The following MYO1A variants were observed in gnomAD, a reference collection of about 807,000 sequenced individuals.
The protein encoded by MYO1A is unconventional myosin-Ia.
MYO1A carries 127 observed loss-of-function variants against 138.5 expected under a neutral mutation model. That is an observed-to-expected ratio of 0.92 (90% CI 0.79 to 1.06). MYO1A has a LOEUF of 1.06. MYO1A is among the 50% of genes least tolerant of loss of function. The pLI is 0.00. For synonymous variants in MYO1A, 477 were observed against 497.5 expected, an observed-to-expected ratio of 0.96 and a Z score of 0.55; for missense variants, 1,211 against 1,288.8, an observed-to-expected ratio of 0.94 and a Z score of 0.92.
intron 23 of MYO1A, 124 bp downstream of exon 23, chr12:57,030,916 G>A (rs879617633): frequency 2.3e-5 from 27 of 1,177,174 alleles, no homozygotes; most frequent in Non-Finnish European, 3.0e-5. Flanking sequence ...TAGATTGTAT[G>A]TTATGTATAT....
At chr12:57,038,727 C>T in intron 16 of MYO1A, 82 bp downstream of exon 16, 1 of 1,609,020 alleles carries the variant, frequency 6.2e-7, no homozygotes, top group African/African-American at 1.3e-5. Flanking sequence ...ATTCCAGACT[C>T]TCACCTTCCC....
At chr12:57,040,954 T>C (rs1394021494) in intron 14 of MYO1A, among the ~76,000 whole-genome samples, 3 of 152,194 alleles carry the variant, frequency 2.0e-5, no homozygotes, top group Non-Finnish European at 4.4e-5. Context: ...TTCCCTCTTG[T>C]CAGGACTTTC....
intron 8 of MYO1A, 60 bp downstream of exon 8, chr12:57,046,492 G>A: frequency 7.7e-7 from 1 of 1,304,274 alleles, no homozygotes; most frequent in South Asian, 1.2e-5. Context: ...GGACTGAATG[G>A]AGGTTGGGGA....
rs750830231 is a variant in MYO1A at position 57,036,761 on chromosome 12, C to T, written c.2274+11G>A. On this transcript the variant is annotated intron_variant, in intron 21 of 27. Transcript: ENST00000300119. The stretch of plus-strand genomic sequence containing the variant: ...ACAATGTGAGGAAACCTCTCTTCCA[C>T]TCTCCATTACCTTCCACCCTCTCAC... 3 of 1,614,118 alleles carry T rather than the reference C, an allele frequency of 1.9e-6. No individual in the cohort carries two copies. The highest frequency in any genetic ancestry group is 2.5e-6 in the Non-Finnish European group (3 of 1,179,930).
intron 12 of MYO1A, among the ~76,000 whole-genome samples, chr12:57,042,008 T>G (rs2030880051): frequency 6.6e-6 from 1 of 152,242 alleles, no homozygotes; most frequent in African/African-American, 2.4e-5. Context: ...CTGAATATAA[T>G]TCACATACCA....
intron 22 of MYO1A, among the ~76,000 whole-genome samples, chr12:57,031,744 A>G (rs1042029227): frequency 2.6e-5 from 4 of 152,222 alleles, no homozygotes; most frequent in African/African-American, 9.7e-5. Flanking sequence ...CTCGAACAAC[A>G]AAGAGAGGCT....
Position 57,029,134 on chromosome 12 carries a change from C to T in MYO1A, c.3003G>A (p.Glu1001=). The T allele has an allele frequency of 5.0e-6, 8 of 1,614,184 alleles. No individual in the cohort carries two copies. The highest frequency in any genetic ancestry group is 6.8e-6 in the Non-Finnish European group (8 of 1,180,032). ...TCACCCCCAGTTCATGGCCTCACTT[C>T]TCAGTCACGGTGACTGTAAGCTGCC... The part of the protein sequence containing the change: ...TQRQLTVTVT[E]KFSVRFKENS... Residue 1001 remains glutamate (E), a splice_region_variant and synonymous_variant, in exon 27 of 28, where the codon GAG becomes GAA. Coordinates refer to ENST00000300119, the MANE Select transcript of MYO1A (RefSeq NM_005379.4).
In MYO1A at chr12:57,043,267, C is replaced by A. The variant is rs371875751; in HGVS notation, c.984G>T (p.Lys328Asn). The change falls in exon 11 of 28, where the codon AAG becomes AAT. Residue 328 changes from lysine to asparagine, a missense_variant. By Grantham distance (94) the Lys-to-Asn change is moderately conservative. Coordinates refer to ENST00000300119, the MANE Select transcript of MYO1A (RefSeq NM_005379.4). Reference sequence around the variant, plus strand: ...GCATAACATTCAGTGCAGTGACCACCTTTTCCTTGGCTGTTTCCATGGTCC... The same window carrying A: ...GCATAACATTCAGTGCAGTGACCACATTTTCCTTGGCTGTTTCCATGGTCC... The part of the protein sequence containing the change: ...CSRTMETAKE[K>N]VVTALNVMQA... 16 of 1,614,170 alleles carry A rather than the reference C, an allele frequency of 9.9e-6. No individual in the cohort carries two copies. Among genetic ancestry groups the A allele is most frequent in the Admixed American group, 8.3e-5 (5 of 60,028 alleles).
rs1324769910 is a variant in MYO1A at position 57,029,181 on chromosome 12, C to T, written c.2956G>A (p.Ala986Thr). ...TGCCTCTGCGTGGCATCCAGCACAGCCCGGTACATTTTGGTCAGCAGTTCA... is the reference window on the plus strand; with the variant it reads ...TGCCTCTGCGTGGCATCCAGCACAGTCCGGTACATTTTGGTCAGCAGTTCA... ...VIELLTKMYRAVLDATQRQLT... is the reference protein window; with the variant it reads ...VIELLTKMYRTVLDATQRQLT... Residue 986 changes from alanine to threonine, a missense_variant, in exon 27 of 28, where the codon GCT (alanine) becomes ACT (threonine). Transcript: ENST00000300119. 1 of 1,614,048 alleles carries T rather than the reference C, an allele frequency of 6.2e-7. No homozygotes were observed. Among genetic ancestry groups the T allele is most frequent in the African/African-American group, 1.3e-5 (1 of 74,904 alleles).
intron 24 of MYO1A, 154 bp downstream of exon 24, chr12:57,030,056 T>G: frequency 7.9e-7 from 1 of 1,258,678 alleles, no homozygotes; most frequent in Non-Finnish European, 1.1e-6. Context: ...AAAGGCAAAT[T>G]TTGGTCCTCA....
chr12:57,030,837 TGATGGCTGCAGAACA>T (rs2030242310), intron 23 of MYO1A, among the ~76,000 whole-genome samples, 188 bp downstream of exon 23: 1 of 152,166 alleles, frequency 6.6e-6, no homozygotes, highest in African/African-American at 2.4e-5. Context: ...TGGATGGCAG[TGATGGCTGCAGAACA>T]ACATGAATGT....
chr12:57,047,461 C>T lies in MYO1A; in HGVS notation c.326-54G>A, dbSNP rs774650832. ...CCCACCCAGGACTAGCCCATCCCCC[C>T]ACCTCCTTAACTTGCTTCACCCCAG... On this transcript the variant is annotated intron_variant, in intron 4 of 27. Transcript: ENST00000300119. The T allele has an allele frequency of 1.1e-5, 17 of 1,569,528 alleles. No homozygotes were observed. The Middle Eastern group carries it at 5.0e-4, about 46-fold the overall frequency.
rs749611467 is a variant in MYO1A at position 57,047,695 on chromosome 12, T to C, written c.257A>G (p.Gln86Arg). 2.2e-5 allele frequency: 36 copies of C among 1,614,212 alleles called. No homozygotes were observed. The highest frequency in any genetic ancestry group is 1.3e-4 in the Admixed American group (8 of 60,036). Residue 86 changes from glutamine to arginine, a missense_variant, in exon 4 of 28, where the codon CAG becomes CGG. Coordinates refer to ENST00000300119, the MANE Select transcript of MYO1A (RefSeq NM_005379.4). ...GTCTCGGTCCCTGTCCCTCAGTGAC[T>C]GGTACGCCACATTTGCCAATGCGTA... ...HIYALANVAY[Q>R]SLRDRDRDQC...
chr12:57,038,326 C>T, intron 17 of MYO1A, 86 bp downstream of exon 17: 2 of 1,437,172 alleles, frequency 1.4e-6, no homozygotes, highest in Admixed American at 1.8e-5. Context: ...TCCAGAAGCA[C>T]CCCCACATGG....
intron 7 of MYO1A, 46 bp downstream of exon 7, chr12:57,046,817 G>A (rs765217633): frequency 6.3e-7 from 1 of 1,593,910 alleles, no homozygotes; most frequent in East Asian, 2.2e-5. Context: ...AAAGGGCCAT[G>A]GGAGGCAGGT....
intron 12 of MYO1A, among the ~76,000 whole-genome samples, chr12:57,042,316 C>T (rs761156661): frequency 2.0e-5 from 3 of 152,196 alleles, no homozygotes; most frequent in African/African-American, 2.4e-5. Context: ...TGTATCAGTA[C>T]TTCATTCTTT....
At chr12:57,046,229 G>A (rs756054308) in intron 8 of MYO1A, among the ~76,000 whole-genome samples, 7 of 152,118 alleles carry the variant, frequency 4.6e-5, no homozygotes, top group Non-Finnish European at 8.8e-5. Flanking sequence ...GAAAGTAGAT[G>A]GATATAAGTG....
In MYO1A at chr12:57,037,570, A is replaced by G; in HGVS notation, c.2033T>C (p.Ile678Thr). ...SGELAFGKTK[I>T]FIRSPKTLFY... ...CACAGTCTTGGGGCTTCTAATGAAG[A>G]TCTTTGTCTTGCCAAAGGCCAGCTC... Residue 678 changes from isoleucine (I) to threonine (T), a missense_variant, in exon 19 of 28, where the codon ATC (isoleucine) becomes ACC (threonine). Coordinates refer to ENST00000300119, the MANE Select transcript of MYO1A (RefSeq NM_005379.4). 1 of 1,614,090 alleles carries G rather than the reference A, an allele frequency of 6.2e-7. No individual in the cohort carries two copies. Among genetic ancestry groups the G allele is most frequent in the South Asian group, 1.1e-5 (1 of 91,084 alleles).
intron 22 of MYO1A, 127 bp downstream of exon 22, chr12:57,036,180 A>C (rs2030532608): frequency 2.1e-6 from 2 of 935,082 alleles, no homozygotes; most frequent in Non-Finnish European, 3.5e-6. Context: ...TTCTCCTAGG[A>C]CTTAAGTACA....
Sources: allele counts gnomAD v4.1 joint callset (sites outside exome capture counted in the v4.1 genomes callset), GRCh38; gene constraint gnomAD v4.1.1; transcripts MANE v1.5; gene names NCBI Gene and HGNC (gene_info 2026-07-23, HGNC 2026-07-21).